The following SS18L1 variants were observed in gnomAD, a reference collection of about 807,000 sequenced individuals.
The protein encoded by SS18L1 is calcium-responsive transactivator.
A neutral mutation model predicts 70.3 loss-of-function variants in SS18L1; 32 were observed. The ratio of observed to expected loss-of-function variants is 0.46; its 90% CI spans 0.34 to 0.61. The LOEUF is 0.61. Ranked by LOEUF, SS18L1 falls within the 20% of genes least tolerant of loss-of-function variation. SS18L1 has a pLI of 0.01. For missense variants in SS18L1, 430 were observed against 542.1 expected (o/e 0.79, Z 2.05); for synonymous variants, 237 against 229.7 (o/e 1.03, Z -0.29).
chr20:62,159,826 G>C lies in SS18L1; in HGVS notation c.147-51G>C. On this transcript the variant is annotated intron_variant, in intron 2 of 10. Transcript: ENST00000331758. The surrounding 1 kb of genome is among the most constrained non-coding windows in gnomAD (Gnocchi z 4.4). Reference sequence around the variant, plus strand: ...TTTACTTCTGCCTTGGATCCACGTGGGGACTCTGTGGTCCCGTCGTCCTGC... The same window carrying C: ...TTTACTTCTGCCTTGGATCCACGTGCGGACTCTGTGGTCCCGTCGTCCTGC... 1 of 1,569,756 alleles carries C rather than the reference G, an allele frequency of 6.4e-7. No homozygotes were observed. The highest frequency in any genetic ancestry group is 8.7e-7 in the Non-Finnish European group (1 of 1,149,456).
At chr20:62,162,257 A>C (rs1253892908) in intron 4 of SS18L1, among the ~76,000 whole-genome samples, 1 of 151,934 alleles carries the variant, frequency 6.6e-6, no homozygotes, top group Non-Finnish European at 1.5e-5. Context: ...ACAACAAATA[A>C]ACGATTCATC....
At chr20:62,165,636 C>A in intron 8 of SS18L1, 122 bp downstream of exon 8, 1 of 902,396 alleles carries the variant, frequency 1.1e-6, no homozygotes, top group Non-Finnish European at 1.7e-6. Context: ...CACAGCACAG[C>A]GCGTGGGAGG....
At chr20:62,151,809 C>G (rs772369696) in intron 1 of SS18L1, among the ~76,000 whole-genome samples, 4 of 151,244 alleles carry the variant, frequency 2.6e-5, no homozygotes, top group Non-Finnish European at 4.4e-5. Context: ...GCCCCCGTTC[C>G]CCTCTTTTCC....
chr20:62,173,901 C>G (rs1001451737), intron 9 of SS18L1, among the ~76,000 whole-genome samples: 1 of 151,796 alleles, frequency 6.6e-6, no homozygotes, highest in African/African-American at 2.4e-5. Flanking sequence ...GTGGTCCCAG[C>G]TACTTGGGAG....
At chr20:62,172,129 A>G (rs932096775) in intron 8 of SS18L1, among the ~76,000 whole-genome samples, 1 of 151,048 alleles carries the variant, frequency 6.6e-6, no homozygotes, top group Non-Finnish European at 1.5e-5. Flanking sequence ...TCGCCACTGC[A>G]CTCCAGCCTG....
rs2057705706 is a variant in SS18L1 at position 62,181,363 on chromosome 20, T to G, written c.*2155T>G. On this transcript the variant is annotated 3_prime_UTR_variant, in exon 11 of 11. Coordinates refer to ENST00000331758, the MANE Select transcript of SS18L1 (RefSeq NM_198935.3). The stretch of plus-strand genomic sequence containing the variant: ...CCTGTCAATTTTCATAGACCTAATT[T>G]GCAAACTCAATCGGGGACTAAAATT... 1 of 207,872 alleles carries G rather than the reference T, an allele frequency of 4.8e-6. No individual in the cohort carries two copies. The highest frequency in any genetic ancestry group is 1.9e-4 in the South Asian group (1 of 5,328). The allele number at this position is 207,872 out of a possible 1,614,324, so 12.9% of individuals were successfully genotyped here.
rs1235961398 is a variant in SS18L1, at chr20:62,167,034, G to GTTTTTTTTTTTTT, written c.916+1523_916+1524insTTTTTTTTTTTTT. On this transcript the variant is annotated intron_variant, in intron 8 of 10. Transcript: ENST00000331758. ...GGAGGAGGATTGCTTGAGCTCAGGA[G>GTTTTTTTTTTTTT]TTTGTTTGTTTTTTTTTTTTTTTTT... Among the ~76,000 whole-genome samples the GTTTTTTTTTTTTT allele has an allele frequency of 1.1e-4, 13 of 123,494 alleles. 1 individual carries two copies. The East Asian group carries it at 2.9e-3, about 27-fold the overall frequency. The allele number at this position is 123,494 out of a possible 152,430, so 81.0% of individuals were successfully genotyped here. A position where few individuals can be genotyped will look rare whatever the true frequency, so the allele number is the denominator to read the frequency against.
At chr20:62,166,512 G>C (rs2057434085) in intron 8 of SS18L1, among the ~76,000 whole-genome samples, 1 of 152,230 alleles carries the variant, frequency 6.6e-6, no homozygotes, top group Non-Finnish European at 1.5e-5. Context: ...GCACGCAAGT[G>C]TAGGCACATA....
At chr20:62,152,041 T>C (rs1052305003) in intron 1 of SS18L1, among the ~76,000 whole-genome samples, 8 of 151,308 alleles carry the variant, frequency 5.3e-5, no homozygotes, top group Non-Finnish European at 8.8e-5. Context: ...CCTCCATTCC[T>C]GGAGATGCCC....
At chr20:62,179,098 AC>A (rs1487412519) in intron 10 of SS18L1, 83 bp from the exon 11 acceptor site, 3 of 1,489,428 alleles carry the variant, frequency 2.0e-6, no homozygotes, top group Non-Finnish European at 1.9e-6. Flanking sequence ...TGTCCCTCCT[AC>A]CCCCTGTCCG....
intron 7 of SS18L1, among the ~76,000 whole-genome samples, chr20:62,164,880 C>A (rs2057399532): frequency 6.6e-6 from 1 of 152,194 alleles, no homozygotes; most frequent in Admixed American, 6.5e-5. Flanking sequence ...GGTGACAGAG[C>A]AGGATCCTGT....
intron 1 of SS18L1, among the ~76,000 whole-genome samples, chr20:62,145,452 G>A (rs1303660129): frequency 1.3e-5 from 2 of 152,232 alleles, no homozygotes; most frequent in African/African-American, 4.8e-5. Flanking sequence ...TAGGCTCAGA[G>A]GCAAATGTTG....
At chr20:62,152,125 C>A (rs1275432389) in intron 1 of SS18L1, among the ~76,000 whole-genome samples, 4 of 152,206 alleles carry the variant, frequency 2.6e-5, no homozygotes, top group Non-Finnish European at 4.4e-5. Flanking sequence ...TCCTGCCCAG[C>A]CTCCAGCCCA....
chr20:62,173,447 C>T (rs566514938), intron 9 of SS18L1, among the ~76,000 whole-genome samples: 3 of 152,290 alleles, frequency 2.0e-5, no homozygotes, highest in African/African-American at 4.8e-5. Flanking sequence ...TGGTGGCTCA[C>T]GCCTATAATC....
chr20:62,166,376 G>C (rs2057432036), intron 8 of SS18L1, among the ~76,000 whole-genome samples: 1 of 152,242 alleles, frequency 6.6e-6, no homozygotes, highest in Non-Finnish European at 1.5e-5. Context: ...GGCTTCACCA[G>C]GTACACAAAG....
chr20:62,147,416 G>T (rs1180202730), intron 1 of SS18L1, among the ~76,000 whole-genome samples: 1 of 152,214 alleles, frequency 6.6e-6, no homozygotes, highest in Non-Finnish European at 1.5e-5. Context: ...CTGTTGTCCA[G>T]TGCGTGCTCC....
At chr20:62,155,139 A>C (rs991475512) in intron 1 of SS18L1, among the ~76,000 whole-genome samples, 3 of 152,162 alleles carry the variant, frequency 2.0e-5, no homozygotes, top group African/African-American at 4.8e-5. Flanking sequence ...GCAATGGCTC[A>C]TGCCTGTAAT....
In SS18L1 at chr20:62,174,235, C is replaced by T. The variant is rs1422103213; in HGVS notation, c.1037-282C>T. Among the ~76,000 whole-genome samples the T allele has an allele frequency of 2.0e-5, 3 of 151,862 alleles. No individual in the cohort carries two copies. Among genetic ancestry groups the T allele is most frequent in the Non-Finnish European group, 4.4e-5 (3 of 67,966 alleles). On this transcript the variant is annotated intron_variant, in intron 9 of 10. Transcript: ENST00000331758. This position sits in a 1 kb window ranked among gnomAD's most constrained non-coding sequence, Gnocchi z 4.1. ...GCAGTTCTGGGGTGATGGAGAGAGC[C>T]CATCAGCCCTCGCCATGCTGGTGGG...
intron 8 of SS18L1, among the ~76,000 whole-genome samples, chr20:62,171,119 A>C (rs981594023): frequency 1.3e-5 from 2 of 151,810 alleles, no homozygotes. Flanking sequence ...AGCCAGGATG[A>C]TCTCGATCTC....
Sources: allele counts gnomAD v4.1 joint callset (sites outside exome capture counted in the v4.1 genomes callset), GRCh38; gene constraint gnomAD v4.1.1; non-coding constraint Gnocchi (gnomAD v3.1); transcripts MANE v1.5; gene names NCBI Gene and HGNC (gene_info 2026-07-23, HGNC 2026-07-21).